The following RDH13 variants were observed in gnomAD, a reference collection of about 807,000 sequenced individuals.
The protein encoded by RDH13 is retinol dehydrogenase 13, also known as retinol dehydrogenase 13 (all-trans and 9-cis).
RDH13 carries 35 observed loss-of-function variants against 28.3 expected under a neutral mutation model. That is an observed-to-expected ratio of 1.24 (90% CI 0.95 to 1.64). The LOEUF (loss-of-function observed/expected upper bound fraction) is 1.64. RDH13 is among the 40% of genes most tolerant of loss of function. RDH13 has a pLI of 0.00. For missense variants in RDH13, 514 were observed against 446.3 expected, an observed-to-expected ratio of 1.15 and a Z score of -1.37; for synonymous variants, 229 against 198.5, an observed-to-expected ratio of 1.15 and a Z score of -1.29.
chr19:55,048,261 G>A (rs749250952), intron 5 of RDH13, 68 bp downstream of exon 5: 1 of 1,600,260 alleles, frequency 6.2e-7, no homozygotes, highest in South Asian at 1.1e-5. Context: ...CATCAGCCTA[G>A]GATCATGGAA....
chr19:55,064,663 G>C (rs1357273023), upstream of RDH13, among the ~76,000 whole-genome samples: 1 of 150,996 alleles, frequency 6.6e-6, no homozygotes, highest in Admixed American at 6.6e-5. Flanking sequence ...ACCCAGGCTG[G>C]AGAGCAGTGG....
chr19:55,061,259 C>G (rs1427976651), intron 1 of RDH13, among the ~76,000 whole-genome samples: 2 of 152,132 alleles, frequency 1.3e-5, no homozygotes, highest in African/African-American at 2.4e-5. Flanking sequence ...TCCTGAGTGG[C>G]TGGGATTACA....
At chr19:55,045,864 T>C (rs2075209090) in intron 6 of RDH13, among the ~76,000 whole-genome samples, 1 of 150,498 alleles carries the variant, frequency 6.6e-6, no homozygotes, top group Non-Finnish European at 1.5e-5. Flanking sequence ...GAGAATCCCT[T>C]GAACCTGGGA....
chr19:55,059,933 A>G lies in RDH13; in HGVS notation c.66-658T>C, dbSNP rs553936193. Among the ~76,000 whole-genome samples, 3 of 152,340 alleles carry G rather than the reference A, an allele frequency of 2.0e-5. No individual in the cohort carries two copies. In the East Asian group the frequency reaches 5.8e-4, roughly 29 times the overall value. The stretch of plus-strand genomic sequence containing the variant: ...CCTTGTTAACACAATGTTTCCAAGC[A>G]GTATACTTGGTAAAAGTCATCGCCA... On this transcript the variant is annotated intron_variant, in intron 1 of 6. Coordinates refer to ENST00000415061, the MANE Select transcript of RDH13 (RefSeq NM_001145971.2).
upstream of RDH13, chr19:55,063,320 G>A (rs1428867524): frequency 5.3e-6 from 2 of 373,880 alleles, no homozygotes; most frequent in East Asian, 7.8e-5. Flanking sequence ...GGGGCCTATG[G>A]TTTGTTCGAA....
chr19:55,055,872 G>A (rs905790724), intron 3 of RDH13, among the ~76,000 whole-genome samples: 2 of 151,010 alleles, frequency 1.3e-5, no homozygotes, highest in Admixed American at 6.6e-5. Context: ...AATTATTCAG[G>A]TAGGGCACGG....
At chr19:55,053,710 A>T (rs1485625853) in intron 3 of RDH13, 1 of 151,352 alleles carries the variant, frequency 6.6e-6, no homozygotes, top group Non-Finnish European at 1.5e-5. Flanking sequence ...GAATTATTCC[A>T]TTTCCCGGAA....
At chr19:55,053,194 C>T (rs771765180) in intron 3 of RDH13, among the ~76,000 whole-genome samples, 18 of 152,300 alleles carry the variant, frequency 1.2e-4, no homozygotes, top group African/African-American at 3.1e-4. Flanking sequence ...AGGCGTGAAC[C>T]GCTGCACCTG....
intron 6 of RDH13, 60 bp from the exon 7 acceptor site, chr19:55,045,369 C>T (rs1314888328): frequency 2.8e-5 from 39 of 1,384,160 alleles, no homozygotes; most frequent in East Asian, 4.6e-5. Flanking sequence ...AAGGAAGCCC[C>T]GCTCCCCGGT....
At chr19:55,049,930 C>A (rs958848851) in intron 3 of RDH13, among the ~76,000 whole-genome samples, 2 of 146,732 alleles carry the variant, frequency 1.4e-5, no homozygotes, top group Admixed American at 6.8e-5. Flanking sequence ...TCTCCTCTCT[C>A]CCTCTTCCCT....
intron 3 of RDH13, among the ~76,000 whole-genome samples, chr19:55,049,646 A>C (rs2075362022): frequency 6.6e-6 from 1 of 152,010 alleles, no homozygotes; most frequent in Non-Finnish European, 1.5e-5. Context: ...AAAATTAGCC[A>C]GGCGTGGTGG....
chr19:55,064,673 G>T (rs1482056443), upstream of RDH13, among the ~76,000 whole-genome samples: 9 of 150,506 alleles, frequency 6.0e-5, no homozygotes, highest in South Asian at 1.5e-3. Context: ...GAGAGCAGTG[G>T]GCGATCTCAG....
At chr19:55,068,593 T>A (rs1685460204) in intron 1 of RDH13, 1 of 150,564 alleles carries the variant, frequency 6.6e-6, no homozygotes, top group South Asian at 2.1e-4. Context: ...CCCAGCACTT[T>A]GGGAGGCCGA....
intron 5 of RDH13, 113 bp downstream of exon 5, chr19:55,048,216 T>G: frequency 6.4e-7 from 1 of 1,552,568 alleles, no homozygotes; most frequent in Non-Finnish European, 8.7e-7. Flanking sequence ...GCTCTACTTT[T>G]GCTGACTCTG....
At chr19:55,059,569 G>T (rs1013893959) in intron 1 of RDH13, among the ~76,000 whole-genome samples, 18 of 140,996 alleles carry the variant, frequency 1.3e-4, no homozygotes, top group Non-Finnish European at 2.2e-4. Context: ...CACTTTGGGA[G>T]GCCAAAGTTT....
intron 3 of RDH13, 102 bp from the exon 4 acceptor site, chr19:55,048,865 CCTGTGCCGGAAACAGGGT>C (rs1602720981): frequency 9.5e-7 from 1 of 1,047,206 alleles, no homozygotes; most frequent in Non-Finnish European, 1.4e-6. Flanking sequence ...GTGAATGTGG[CCTGTGCCGGAAACAGGGT>C]CTGTGCCGAA....
chr19:55,059,134 A>G, intron 2 of RDH13, 23 bp downstream of exon 2: 1 of 1,461,080 alleles, frequency 6.8e-7, no homozygotes, highest in Non-Finnish European at 9.4e-7. Flanking sequence ...TCTCTCTGAG[A>G]GCCAAAGCAG....
At chr19:55,059,354 A>G (rs2075739991) in intron 1 of RDH13, 79 bp from the exon 2 acceptor site, 2 of 903,012 alleles carry the variant, frequency 2.2e-6, no homozygotes, top group Non-Finnish European at 1.7e-6. Context: ...ATCTCAGGCA[A>G]CCTTGTCTGA....
chr19:55,052,173 C>G (rs936538255), intron 3 of RDH13, among the ~76,000 whole-genome samples: 1 of 146,058 alleles, frequency 6.8e-6, no homozygotes, highest in African/African-American at 2.5e-5. Flanking sequence ...AATCCCAGCA[C>G]TTTGGGAGGC....
Sources: allele counts gnomAD v4.1 joint callset (sites outside exome capture counted in the v4.1 genomes callset), GRCh38; gene constraint gnomAD v4.1.1; transcripts MANE v1.5; gene names NCBI Gene and HGNC (gene_info 2026-07-23, HGNC 2026-07-21).